Variants in WWOX observed in about 807,000 individuals in gnomAD.
The protein encoded by WWOX is WW domain-containing oxidoreductase.
In WWOX, 69 loss-of-function variants were observed where a neutral mutation model predicts 46.2. The observed-to-expected ratio is 1.49, with a 90% confidence interval of 1.23 to 1.82. The LOEUF (loss-of-function observed/expected upper bound fraction) is 1.82, where lower values mean the gene tolerates loss of function less well. WWOX is among the 40% of genes most tolerant of loss of function. WWOX has a pLI of 0.00. For missense variants in WWOX, 919 were observed against 542.6 expected (o/e 1.69, Z -6.89); for synonymous variants, 359 against 202.6 (o/e 1.77, Z -6.56).
At chr16:78,868,868 T>A (rs776705377) in intron 8 of WWOX, among the ~76,000 whole-genome samples, 1 of 152,200 alleles carries the variant, frequency 6.6e-6, no homozygotes, top group Admixed American at 6.5e-5. Context: ...TCATGGATTT[T>A]TAATATGTCT....
At chr16:78,735,234 C>A (rs538289694) in intron 8 of WWOX, among the ~76,000 whole-genome samples, 50 of 152,204 alleles carry the variant, frequency 3.3e-4, no homozygotes, top group Middle Eastern at 3.4e-3. Context: ...TTTGATCTTG[C>A]TGGAGTTGGA....
chr16:78,580,931 C>T (rs1029592327), intron 8 of WWOX, among the ~76,000 whole-genome samples: 3 of 152,152 alleles, frequency 2.0e-5, no homozygotes, highest in Non-Finnish European at 4.4e-5. Flanking sequence ...ATTTAGTAGC[C>T]AGCTAAAGGA....
chr16:78,703,065 G>C (rs1211557609), intron 8 of WWOX, among the ~76,000 whole-genome samples: 1 of 152,108 alleles, frequency 6.6e-6, no homozygotes, highest in East Asian at 1.9e-4. Flanking sequence ...ATCAGAGAAG[G>C]CTCCTCCGAT....
chr16:78,706,516 T>A (rs1054915985), intron 8 of WWOX, among the ~76,000 whole-genome samples: 30 of 152,318 alleles, frequency 2.0e-4, no homozygotes, highest in African/African-American at 7.2e-4. Flanking sequence ...CATTTCCCTT[T>A]ATATTCTTTC....
At chr16:79,210,583 C>A (rs1403932308) in intron 8 of WWOX, among the ~76,000 whole-genome samples, 1 of 152,168 alleles carries the variant, frequency 6.6e-6, no homozygotes, top group Non-Finnish European at 1.5e-5. Context: ...CTCTCATCAG[C>A]TGAAAATTAG....
At chr16:78,352,732 T>C (rs923550122) in intron 5 of WWOX, among the ~76,000 whole-genome samples, 2 of 152,276 alleles carry the variant, frequency 1.3e-5, no homozygotes, top group African/African-American at 4.8e-5. Flanking sequence ...CATATTGGGG[T>C]AGAGGGCATT....
At chr16:78,988,854 G>C (rs768529858) in intron 8 of WWOX, among the ~76,000 whole-genome samples, 1 of 152,102 alleles carries the variant, frequency 6.6e-6, no homozygotes. Flanking sequence ...ATGTTGCTGC[G>C]AGCCCCAATC....
intron 8 of WWOX, among the ~76,000 whole-genome samples, chr16:78,853,324 A>C (rs540971628): frequency 6.6e-6 from 1 of 152,152 alleles, no homozygotes; most frequent in Non-Finnish European, 1.5e-5. Flanking sequence ...GGGTTCAAGC[A>C]ATTCTTCTGC....
chr16:79,128,092 C>G lies in WWOX; in HGVS notation c.1057-83516C>G, dbSNP rs143015508. ...TGGTTACCCCCTTCTCCATCCCCCACCACCCACTGATGTTATTATCCAGTA... is the reference window on the plus strand; with the variant it reads ...TGGTTACCCCCTTCTCCATCCCCCAGCACCCACTGATGTTATTATCCAGTA... On this transcript the variant is annotated intron_variant, in intron 8 of 8. Coordinates refer to ENST00000566780, the MANE Select transcript of WWOX (RefSeq NM_016373.4). Among the ~76,000 whole-genome samples, 164 of 152,228 alleles carry G rather than the reference C, an allele frequency of 1.1e-3. 1 individual carries two copies. Among genetic ancestry groups the G allele is most frequent in the African/African-American group, 3.7e-3 (154 of 41,536 alleles).
intron 8 of WWOX, among the ~76,000 whole-genome samples, chr16:79,120,465 G>A (rs547044923): frequency 3.3e-5 from 5 of 152,276 alleles, no homozygotes; most frequent in African/African-American, 1.2e-4. Flanking sequence ...CCCATTAGCA[G>A]CAAAATATAT....
At chr16:78,998,770 G>T (rs559632686) in intron 8 of WWOX, among the ~76,000 whole-genome samples, 1 of 152,324 alleles carries the variant, frequency 6.6e-6, no homozygotes, top group East Asian at 1.9e-4. Flanking sequence ...TCTATTGAAT[G>T]ACTTCTTGAA....
intron 8 of WWOX, among the ~76,000 whole-genome samples, chr16:78,519,248 A>G (rs759919194): frequency 6.6e-6 from 1 of 151,962 alleles, no homozygotes; most frequent in Non-Finnish European, 1.5e-5. Flanking sequence ...GTGTTAAAGG[A>G]CTTGCGGAGT....
At chr16:78,270,709 G>A (rs781519816) in intron 5 of WWOX, 8 of 152,138 alleles carry the variant, frequency 5.3e-5, no homozygotes, top group Non-Finnish European at 1.0e-4. Flanking sequence ...ACCCTTCACA[G>A]TTTGAAAAAT....
intron 8 of WWOX, among the ~76,000 whole-genome samples, chr16:78,645,619 G>A (rs141083515): frequency 1.3e-5 from 2 of 152,100 alleles, no homozygotes; most frequent in African/African-American, 4.8e-5. Context: ...CAAGAGAGGG[G>A]AGGGGAGGTG....
At chr16:78,506,913 C>T (rs151313455) in intron 8 of WWOX, among the ~76,000 whole-genome samples, 1,631 of 152,072 alleles carry the variant, frequency 0.011, 33 homozygotes, top group African/African-American at 0.037. Context: ...GGGATTTCAC[C>T]ATGTTGGCCA....
chr16:78,656,150 T>C (rs984082085), intron 8 of WWOX, among the ~76,000 whole-genome samples: 20 of 152,200 alleles, frequency 1.3e-4, no homozygotes, highest in Non-Finnish European at 2.4e-4. Context: ...AGTTATGCTC[T>C]GTTGTTTCTC....
chr16:78,793,341 G>A (rs772245226), intron 8 of WWOX, among the ~76,000 whole-genome samples: 17 of 152,294 alleles, frequency 1.1e-4, no homozygotes, highest in African/African-American at 2.4e-5. Context: ...GATTCCAGGC[G>A]TGAGTCACCA....
chr16:79,152,152 G>A (rs2050292248), intron 8 of WWOX, among the ~76,000 whole-genome samples: 1 of 152,152 alleles, frequency 6.6e-6, no homozygotes, highest in Non-Finnish European at 1.5e-5. Flanking sequence ...GTTTCTGTCG[G>A]CACTGCCTTG....
chr16:78,588,300 C>A (rs897558746), intron 8 of WWOX, among the ~76,000 whole-genome samples: 1 of 152,090 alleles, frequency 6.6e-6, no homozygotes, highest in Non-Finnish European at 1.5e-5. Context: ...GTTTTGGGTG[C>A]GGATAATGGA....
Sources: allele counts gnomAD v4.1 joint callset (sites outside exome capture counted in the v4.1 genomes callset), GRCh38; gene constraint gnomAD v4.1.1; transcripts MANE v1.5; gene names NCBI Gene and HGNC (gene_info 2026-07-23, HGNC 2026-07-21).